DPRX: variants seen among roughly 807,000 people sequenced by gnomAD.
DPRX encodes divergent paired-related homeobox.
Under a neutral mutation model 8.4 loss-of-function variants are expected in DPRX, and 11 were observed. The ratio of observed to expected loss-of-function variants is 1.31; its 90% confidence interval spans 0.82 to 2.17. DPRX has a LOEUF of 2.17. Among genes scored for constraint, DPRX ranks in the 30% most tolerant of loss-of-function variants. DPRX has a pLI of 0.00. For synonymous variants in DPRX, 72 were observed against 87.0 expected, an observed-to-expected ratio of 0.83 and a Z score of 0.96; for missense variants, 211 against 236.7, an observed-to-expected ratio of 0.89 and a Z score of 0.71.
At chr19:53,618,031 A>G in the DPRX span, among the ~76,000 whole-genome samples, 3 of 151,774 alleles carry the variant, frequency 2.0e-5, no homozygotes, top group Non-Finnish European at 4.4e-5. Context: ...AATCCCAGCT[A>G]CTTGGAAGGC....
At chr19:53,635,526 G>A (rs568704475) in intron 2 of DPRX, among the ~76,000 whole-genome samples, 2 of 152,060 alleles carry the variant, frequency 1.3e-5, no homozygotes, top group African/African-American at 2.4e-5. Context: ...TACTACTGGT[G>A]TGTACCACCA....
chr19:53,624,973 G>A, the DPRX span, among the ~76,000 whole-genome samples: 27 of 151,994 alleles, frequency 1.8e-4, no homozygotes, highest in Non-Finnish European at 2.5e-4. Context: ...TGCCCTCTCC[G>A]GGGGAAAGGA....
the DPRX span, chr19:53,602,267 G>GGT: frequency 0.17 from 45,684 of 275,224 alleles, 3,494 homozygotes; most frequent in Non-Finnish European, 0.2. Flanking sequence ...TATGGGTATG[G>GGT]GTGTGTGTGT....
the DPRX span, chr19:53,606,631 G>A: frequency 6.5e-6 from 1 of 152,864 alleles, no homozygotes; most frequent in African/African-American, 2.4e-5. This position sits in a 1 kb window ranked among gnomAD's most constrained non-coding sequence, Gnocchi z 4.8. Context: ...CCAAGGGGAT[G>A]GAGCGGTGAG....
At chr19:53,628,840 C>T (rs1263729557), upstream of DPRX, among the ~76,000 whole-genome samples, 1 of 151,636 alleles carries the variant, frequency 6.6e-6, no homozygotes, top group African/African-American at 2.4e-5. Flanking sequence ...CCACCCGCCT[C>T]GGCCTCTCAA....
the DPRX span, among the ~76,000 whole-genome samples, chr19:53,621,235 C>T: frequency 2.6e-5 from 4 of 152,028 alleles, no homozygotes; most frequent in Middle Eastern, 3.2e-3. Flanking sequence ...CGGGTTCAAG[C>T]AATCCTCCTG....
At chr19:53,603,568 GCA>G in the DPRX span, 1 of 367,600 alleles carries the variant, frequency 2.7e-6, no homozygotes, top group Non-Finnish European at 5.5e-6. Flanking sequence ...AGAGAGTAGG[GCA>G]AGATTAACCC....
chr19:53,626,844 G>A, the DPRX span, among the ~76,000 whole-genome samples: 4 of 152,034 alleles, frequency 2.6e-5, no homozygotes, highest in Non-Finnish European at 4.4e-5. Flanking sequence ...GATTATAGGC[G>A]CCTGCCATCA....
chr19:53,602,497 T>C, the DPRX span, among the ~76,000 whole-genome samples: 3 of 151,470 alleles, frequency 2.0e-5, no homozygotes, highest in Non-Finnish European at 4.4e-5. Flanking sequence ...GTAGCTGGGA[T>C]TACAGGTAAC....
At chr19:53,616,623 G>A in the DPRX span, among the ~76,000 whole-genome samples, 11 of 152,278 alleles carry the variant, frequency 7.2e-5, no homozygotes, top group South Asian at 2.1e-3. Context: ...GTTTGGTGGT[G>A]CATGCCTGTA....
At chr19:53,620,530 T>A in the DPRX span, among the ~76,000 whole-genome samples, 1 of 151,906 alleles carries the variant, frequency 6.6e-6, no homozygotes, top group Admixed American at 6.6e-5. Context: ...GCCCGGCTAA[T>A]TTTTTGCATT....
chr19:53,632,031 G>A, upstream of DPRX: 7 of 1,602,050 alleles, frequency 4.4e-6, no homozygotes, highest in South Asian at 5.5e-5. Flanking sequence ...TGTGGAGGAA[G>A]CTACTTAAAT....
At chr19:53,627,498 G>A (rs1388517997), upstream of DPRX, among the ~76,000 whole-genome samples, 5 of 147,726 alleles carry the variant, frequency 3.4e-5, no homozygotes, top group Non-Finnish European at 5.9e-5. Flanking sequence ...GTGCAATGGC[G>A]TGATCTTGGC....
At chr19:53,602,433 C>G in the DPRX span, among the ~76,000 whole-genome samples, 1 of 151,102 alleles carries the variant, frequency 6.6e-6, no homozygotes, top group Non-Finnish European at 1.5e-5. Context: ...AATCTTGGCT[C>G]ACTGCAACCT....
intron 2 of DPRX, among the ~76,000 whole-genome samples, chr19:53,635,770 C>T (rs2091109601): frequency 6.6e-6 from 1 of 152,126 alleles, no homozygotes; most frequent in African/African-American, 2.4e-5. Flanking sequence ...TGTTTTTTCT[C>T]AACCATTTTA....
intron 1 of DPRX, 116 bp downstream of exon 1, chr19:53,632,250 TG>T: frequency 7.7e-7 from 1 of 1,293,224 alleles, no homozygotes; most frequent in South Asian, 1.2e-5. Flanking sequence ...TCCACGTGGG[TG>T]GCAGGGACTT....
chr19:53,602,301 T>C, the DPRX span: 1 of 327,686 alleles, frequency 3.1e-6, no homozygotes, highest in East Asian at 8.7e-5. Context: ...TGTGTGTGTG[T>C]GTGTGTGTGT....
At chr19:53,636,970 C>T (rs184384115) in exon 3 of DPRX, 70 of 1,604,424 alleles carry the variant, frequency 4.4e-5, no homozygotes, top group Middle Eastern at 1.7e-4. Flanking sequence ...GTTCATCTAA[C>T]CAAAGTCGAG....
chr19:53,611,213 T>G, the DPRX span, among the ~76,000 whole-genome samples: 5 of 152,144 alleles, frequency 3.3e-5, no homozygotes, highest in African/African-American at 1.2e-4. Flanking sequence ...CAAAGTGACC[T>G]TCTAAAAAAA....
Sources: allele counts gnomAD v4.1 joint callset (sites outside exome capture counted in the v4.1 genomes callset), GRCh38; gene constraint gnomAD v4.1.1; non-coding constraint Gnocchi (gnomAD v3.1); transcripts MANE v1.5; gene names NCBI Gene and HGNC (gene_info 2026-07-23, HGNC 2026-07-21).